Variants in HPSE2 observed in about 807,000 individuals in gnomAD.
HPSE2 encodes the protein heparanase 2 (inactive), also known as inactive heparanase-2.
In HPSE2, 38 loss-of-function variants were observed where a neutral mutation model predicts 60.5. That is an observed-to-expected ratio of 0.63 (90% CI 0.48 to 0.82). The LOEUF (loss-of-function observed/expected upper bound fraction) is 0.82, where lower values mean the gene tolerates loss of function less well. HPSE2 is among the 40% of genes least tolerant of loss of function. The pLI is 0.00. For synonymous variants in HPSE2, 295 were observed against 293.2 expected (o/e 1.01, Z -0.06); for missense variants, 713 against 740.4 (o/e 0.96, Z 0.43).
At chr10:98,902,540 G>A (rs1953695286) in intron 3 of HPSE2, among the ~76,000 whole-genome samples, 1 of 151,974 alleles carries the variant, frequency 6.6e-6, no homozygotes, top group African/African-American at 2.4e-5. Flanking sequence ...TTTGATTTTG[G>A]ACAAGTTACT....
At chr10:99,291,549 A>G in the HPSE2 span, among the ~76,000 whole-genome samples, 3 of 146,272 alleles carry the variant, frequency 2.1e-5, no homozygotes, top group East Asian at 4.0e-4. Flanking sequence ...GCGCCACTGC[A>G]CTCCAGCCTG....
At chr10:98,633,465 G>A (rs754048119) in intron 7 of HPSE2, among the ~76,000 whole-genome samples, 1 of 152,082 alleles carries the variant, frequency 6.6e-6, no homozygotes, top group African/African-American at 2.4e-5. Flanking sequence ...CACCTGCTTT[G>A]GACTCCCAAA....
chr10:99,070,772 G>A (rs1390880273), intron 3 of HPSE2, among the ~76,000 whole-genome samples: 1 of 152,126 alleles, frequency 6.6e-6, no homozygotes, highest in Non-Finnish European at 1.5e-5. Flanking sequence ...GTCTTTCTGT[G>A]ACTGGTTTAT....
rs1462807221 is a variant in HPSE2, at chr10:98,685,970, T to C, written c.1004+7930A>G. Among the ~76,000 whole-genome samples, 3 of 152,210 alleles carry C rather than the reference T, an allele frequency of 2.0e-5. No individual in the cohort carries two copies. The South Asian group carries it at 6.2e-4, about 31-fold the overall frequency. ...GTTCATAGTAATCCCTTGAGTATTT[T>C]TAATGTCTGTGCAATCTGTAGTAAG... On this transcript the variant is annotated intron_variant, in intron 6 of 11. Transcript: ENST00000370552.
chr10:98,749,450 T>TATGCATGCATATATACATATATAC, intron 3 of HPSE2, among the ~76,000 whole-genome samples: 1 of 151,440 alleles, frequency 6.6e-6, no homozygotes, highest in Non-Finnish European at 1.5e-5. Flanking sequence ...TATATACATA[T>TATGCATGCATATATACATATATAC]ATGCATGCAT....
intron 5 of HPSE2, among the ~76,000 whole-genome samples, chr10:98,699,021 T>C (rs1948322141): frequency 6.6e-6 from 1 of 150,714 alleles, no homozygotes; most frequent in Non-Finnish European, 1.5e-5. Context: ...ACAAAAAGAG[T>C]CCAGGACCAG....
intron 3 of HPSE2, among the ~76,000 whole-genome samples, chr10:98,941,118 C>T (rs1263947452): frequency 7.0e-6 from 1 of 142,464 alleles, no homozygotes; most frequent in Non-Finnish European, 1.5e-5. Flanking sequence ...GAACCCACAG[C>T]CAGTATCATC....
chr10:98,594,123 T>C (rs950144455), intron 9 of HPSE2, among the ~76,000 whole-genome samples: 1 of 152,218 alleles, frequency 6.6e-6, no homozygotes, highest in African/African-American at 2.4e-5. Context: ...AATTAACATA[T>C]GTATTAGCTC....
Position 98,511,129 on chromosome 10 carries a change from T to TG in HPSE2, c.1321-20934dup, listed in dbSNP as rs1163718689. On this transcript the variant is annotated intron_variant, in intron 9 of 11. Transcript: ENST00000370552. ...TTTAATGAAGTATTTAATGTGTTGC[T>TG]GTTTTTTTTTTGTTTGTTTTTGTTT... Among the ~76,000 whole-genome samples, 24 of 16,014 alleles carry TG rather than the reference T, an allele frequency of 1.5e-3. No homozygotes were observed. The South Asian group carries it at 0.088, about 58-fold the overall frequency. The allele number at this position is 16,014 out of a possible 152,430, so 10.5% of individuals were successfully genotyped here. A position where few individuals can be genotyped will look rare whatever the true frequency, so the allele number is the denominator to read the frequency against.
chr10:99,123,069 G>C (rs537390488), intron 3 of HPSE2, among the ~76,000 whole-genome samples: 2 of 152,084 alleles, frequency 1.3e-5, no homozygotes, highest in East Asian at 3.9e-4. Context: ...CTAGTCATTT[G>C]GAAGAAAATG....
intron 3 of HPSE2, among the ~76,000 whole-genome samples, chr10:99,142,793 C>T (rs994919215): frequency 2.6e-5 from 4 of 152,134 alleles, no homozygotes; most frequent in Non-Finnish European, 5.9e-5. Context: ...TCAAGCCATA[C>T]TCTGGAGCCT....
chr10:98,583,334 C>G (rs568348172), intron 9 of HPSE2, among the ~76,000 whole-genome samples: 3 of 152,180 alleles, frequency 2.0e-5, no homozygotes, highest in African/African-American at 4.8e-5. Context: ...GCCGCTTGCT[C>G]GAGCTAACTC....
chr10:98,643,904 A>C (rs1232614575), intron 6 of HPSE2, among the ~76,000 whole-genome samples: 1 of 152,230 alleles, frequency 6.6e-6, no homozygotes, highest in African/African-American at 2.4e-5. Context: ...ATTTAATCAA[A>C]TATATTACAC....
chr10:98,962,424 A>G (rs61883737), intron 3 of HPSE2, among the ~76,000 whole-genome samples: 71,551 of 151,502 alleles, frequency 0.47, 19,279 homozygotes, highest in East Asian at 0.62. Context: ...TTCCTTGAGC[A>G]GTGGTTTGTA....
intron 2 of HPSE2, among the ~76,000 whole-genome samples, chr10:99,197,245 G>A (rs1012313280): frequency 2.6e-5 from 4 of 152,124 alleles, no homozygotes; most frequent in Non-Finnish European, 4.4e-5. Context: ...GGGTTGGCAG[G>A]GAGGTGAAGA....
At chr10:98,538,261 G>A (rs909441227) in intron 9 of HPSE2, among the ~76,000 whole-genome samples, 4 of 152,048 alleles carry the variant, frequency 2.6e-5, no homozygotes, top group African/African-American at 7.3e-5. Flanking sequence ...TTTCGTCTCC[G>A]CACATGGGGA....
chr10:99,005,670 T>C (rs1956874894), intron 3 of HPSE2, among the ~76,000 whole-genome samples: 1 of 152,162 alleles, frequency 6.6e-6, no homozygotes, highest in Non-Finnish European at 1.5e-5. Flanking sequence ...CTTTGAGGGT[T>C]AGCTACTGGG....
At chr10:99,018,564 AG>A (rs1254621200) in intron 3 of HPSE2, among the ~76,000 whole-genome samples, 8 of 151,866 alleles carry the variant, frequency 5.3e-5, no homozygotes, top group African/African-American at 1.9e-4. Context: ...AGGCCCTAAA[AG>A]GGTATTAACT....
At chr10:98,549,765 G>C (rs941277556) in intron 9 of HPSE2, among the ~76,000 whole-genome samples, 4 of 152,036 alleles carry the variant, frequency 2.6e-5, no homozygotes, top group African/African-American at 9.7e-5. Flanking sequence ...CCTCCTTCTT[G>C]AAACTCTCTT....
Sources: allele counts gnomAD v4.1 joint callset (sites outside exome capture counted in the v4.1 genomes callset), GRCh38; gene constraint gnomAD v4.1.1; transcripts MANE v1.5; gene names NCBI Gene and HGNC (gene_info 2026-07-23, HGNC 2026-07-21).